Variants in KIAA1958 observed in about 807,000 individuals in gnomAD.
KIAA1958 encodes KIAA1958, also known as uncharacterized protein KIAA1958.
A neutral mutation model predicts 47.2 loss-of-function variants in KIAA1958; 14 were observed. That is an observed-to-expected ratio of 0.30 (90% confidence interval 0.20 to 0.46). The LOEUF is 0.46. Ranked by LOEUF, KIAA1958 falls within the 20% of genes least tolerant of loss-of-function variation. KIAA1958 has a pLI of 1.00. For synonymous variants in KIAA1958, 354 were observed against 353.3 expected (o/e 1.00, Z -0.02); for missense variants, 803 against 909.2 (o/e 0.88, Z 1.50).
At chr9:112,507,668 G>A (rs1211827426) in intron 1 of KIAA1958, among the ~76,000 whole-genome samples, 4 of 152,082 alleles carry the variant, frequency 2.6e-5, no homozygotes, top group Non-Finnish European at 4.4e-5. Context: ...TGATTCTTTC[G>A]AATGGGAATT....
intron 1 of KIAA1958, among the ~76,000 whole-genome samples, chr9:112,488,754 A>G (rs756755535): frequency 3.3e-4 from 51 of 152,358 alleles, no homozygotes; most frequent in Non-Finnish European, 6.5e-4. Flanking sequence ...ATTAGTAAAC[A>G]GTGTACAATT....
chr9:112,493,310 C>T (rs183614148), intron 1 of KIAA1958, among the ~76,000 whole-genome samples: 1 of 152,240 alleles, frequency 6.6e-6, no homozygotes, highest in East Asian at 1.9e-4. Flanking sequence ...CCTACTACGA[C>T]TGGATATATT....
chr9:112,541,800 G>A (rs1479550901), intron 1 of KIAA1958, among the ~76,000 whole-genome samples: 2 of 151,462 alleles, frequency 1.3e-5, no homozygotes, highest in East Asian at 3.9e-4. Context: ...GTGAGCCTCC[G>A]TCTCAAAAAA....
At chr9:112,586,179 G>A (rs944714763) in intron 2 of KIAA1958, among the ~76,000 whole-genome samples, 1 of 152,146 alleles carries the variant, frequency 6.6e-6, no homozygotes, top group African/African-American at 2.4e-5. Context: ...TTTATCAAGG[G>A]TGATATATGA....
Position 112,574,893 on chromosome 9 carries a change from A to C in KIAA1958, c.813A>C (p.Ala271=). ...STELDPHGMS[A]SPSVISRPIV... is the part of the protein sequence containing the mutation. ...AGCTAGACCCACACGGTATGTCTGC[A>C]TCCCCCTCTGTGATCTCCAGACCAA... is the stretch of plus-strand genomic sequence containing the variant. The change falls in exon 2 of 4, where the codon GCA becomes GCC. Residue 271 remains alanine (A), a synonymous_variant. Transcript: ENST00000337530. 1.2e-6 allele frequency: 2 copies of C among 1,614,134 alleles called. No homozygotes were observed. Among genetic ancestry groups the C allele is most frequent in the East Asian group, 2.2e-5 (1 of 44,874 alleles).
rs111283872 is a variant in KIAA1958 at position 112,591,403 on chromosome 9, T to C, written c.1171+16152T>C. On this transcript the variant is annotated intron_variant, in intron 2 of 3. Transcript: ENST00000337530. ...CTGGCTGGTTTAGCTTTTATGGCTA[T>C]ATACTTAAAGCAATAAAAACTACTT... Among the ~76,000 whole-genome samples the C allele has an allele frequency of 5.2e-3, 791 of 152,254 alleles. 10 individuals are homozygous for C. Among genetic ancestry groups the C allele is most frequent in the African/African-American group, 0.018 (753 of 41,550 alleles).
chr9:112,589,222 T>C (rs189124114), intron 2 of KIAA1958, among the ~76,000 whole-genome samples: 2 of 152,344 alleles, frequency 1.3e-5, no homozygotes, highest in East Asian at 3.9e-4. Context: ...TTTCCTTTGG[T>C]TTTTCTGTTC....
intron 2 of KIAA1958, among the ~76,000 whole-genome samples, chr9:112,598,703 G>C (rs1300170934): frequency 6.6e-6 from 1 of 152,100 alleles, no homozygotes; most frequent in African/African-American, 2.4e-5. Flanking sequence ...TATATCCTGA[G>C]AAAAAACAAG....
chr9:112,631,480 G>A (rs1588047275), intron 2 of KIAA1958, among the ~76,000 whole-genome samples: 1 of 146,004 alleles, frequency 6.8e-6, no homozygotes, highest in African/African-American at 2.5e-5. Context: ...GCAGCAAGCT[G>A]TGATTACGCC....
intron 2 of KIAA1958, among the ~76,000 whole-genome samples, chr9:112,578,065 G>A (rs1399791772): frequency 6.6e-6 from 1 of 152,118 alleles, no homozygotes; most frequent in Non-Finnish European, 1.5e-5. Flanking sequence ...GTATCATATT[G>A]CTAAGATGTC....
intron 2 of KIAA1958, among the ~76,000 whole-genome samples, chr9:112,578,778 G>A (rs1835691162): frequency 6.6e-6 from 1 of 152,078 alleles, no homozygotes; most frequent in South Asian, 2.1e-4. Context: ...CTACCTACTA[G>A]TAGCTTGGAT....
chr9:112,647,592 C>T (rs1028422759), intron 3 of KIAA1958, among the ~76,000 whole-genome samples: 2 of 152,134 alleles, frequency 1.3e-5, no homozygotes, highest in African/African-American at 4.8e-5. Flanking sequence ...TATATGAAAA[C>T]ATATAGAAAT....
chr9:112,509,478 T>C (rs1315261820), intron 1 of KIAA1958, among the ~76,000 whole-genome samples: 2 of 152,132 alleles, frequency 1.3e-5, no homozygotes, highest in Non-Finnish European at 2.9e-5. Context: ...CCATTCTTAA[T>C]GGGGGAAACA....
intron 1 of KIAA1958, among the ~76,000 whole-genome samples, chr9:112,501,037 TC>T (rs1218384412): frequency 1.3e-5 from 2 of 151,386 alleles, no homozygotes; most frequent in Admixed American, 1.3e-4. Flanking sequence ...AGTGGGAGGA[TC>T]TCTTGAGCCT....
chr9:112,545,267 G>A (rs1399198584), intron 1 of KIAA1958, among the ~76,000 whole-genome samples: 1 of 152,176 alleles, frequency 6.6e-6, no homozygotes, highest in Non-Finnish European at 1.5e-5. Flanking sequence ...AGATCTTGGA[G>A]TATAATACTG....
At position 112,659,867 on chromosome 9, in the gene KIAA1958, C is replaced by T; in HGVS notation, c.1949C>T (p.Ser650Phe). 1.2e-6 allele frequency: 2 copies of T among 1,614,096 alleles called. No individual in the cohort carries two copies. Among genetic ancestry groups the T allele is most frequent in the East Asian group, 2.2e-5 (1 of 44,890 alleles). ...CCGCCCACCCAAATGGAGGCCAAGT[C>T]CCCCTTCTACCTGACTGCCAGGAAG... is the stretch of plus-strand genomic sequence containing the variant. ...HRPPTQMEAKSPFYLTARKEA... is the reference protein window; with the variant it reads ...HRPPTQMEAKFPFYLTARKEA... Residue 650 changes from serine to phenylalanine, a missense_variant, in exon 4 of 4, where the codon TCC becomes TTC. This residue lies in a region of KIAA1958 where 761 missense variants were observed against 829.3 expected (regional missense o/e 0.92). Coordinates refer to ENST00000337530, the MANE Select transcript of KIAA1958 (RefSeq NM_133465.4).
At chr9:112,623,770 C>T (rs1836551430) in intron 2 of KIAA1958, among the ~76,000 whole-genome samples, 1 of 152,140 alleles carries the variant, frequency 6.6e-6, no homozygotes, top group Admixed American at 6.5e-5. Context: ...TCAAGAGAGT[C>T]CTTTATAATT....
intron 2 of KIAA1958, among the ~76,000 whole-genome samples, chr9:112,636,199 CA>C (rs1463770540): frequency 2.7e-5 from 4 of 149,794 alleles, no homozygotes; most frequent in African/African-American, 9.8e-5. Context: ...AATTGCTTGT[CA>C]AATTATCTTC....
At chr9:112,651,587 G>A (rs1837055803) in intron 3 of KIAA1958, among the ~76,000 whole-genome samples, 1 of 151,860 alleles carries the variant, frequency 6.6e-6, no homozygotes, top group Non-Finnish European at 1.5e-5. Context: ...GTAAAGACAG[G>A]GTTTCGCCAT....
Sources: allele counts gnomAD v4.1 joint callset (sites outside exome capture counted in the v4.1 genomes callset), GRCh38; gene constraint gnomAD v4.1.1; regional missense constraint gnomAD v4.1.1; transcripts MANE v1.5; gene names NCBI Gene and HGNC (gene_info 2026-07-23, HGNC 2026-07-21).